FNIP1: variants seen among roughly 807,000 people sequenced by gnomAD.
FNIP1 encodes folliculin interacting protein 1.
Under a neutral mutation model 124.5 loss-of-function variants are expected in FNIP1, and 40 were observed. The ratio of observed to expected loss-of-function variants is 0.32; its 90% CI spans 0.25 to 0.42. The LOEUF is 0.42. FNIP1 is among the 10% of genes least tolerant of loss of function. FNIP1 has a pLI of 1.00. For synonymous variants in FNIP1, 472 were observed against 470.6 expected (o/e 1.00, Z -0.04); for missense variants, 1,176 against 1,403.7 (o/e 0.84, Z 2.59).
Position 131,677,749 on chromosome 5 carries a change from G to A in FNIP1, c.1473C>T (p.Asp491=). The A allele has an allele frequency of 1.9e-6, 3 of 1,614,100 alleles. No homozygotes were observed. Among genetic ancestry groups the A allele is most frequent in the South Asian group, 1.1e-5 (1 of 91,080 alleles). The change falls in exon 13 of 18, where the codon GAC becomes GAT. Residue 491 remains aspartate (D), a synonymous_variant. Coordinates refer to ENST00000510461, the MANE Select transcript of FNIP1 (RefSeq NM_133372.3). Reference sequence around the variant, plus strand: ...TATATGGATGAGTCTTTGCCAACATGTCCACACTCTGAGAGGAATGCTTTT... The same window carrying A: ...TATATGGATGAGTCTTTGCCAACATATCCACACTCTGAGAGGAATGCTTTT... ...FLEKHSSQSV[D]MLAKTHPYNP... is the part of the protein sequence containing the mutation.
chr5:131,750,197 T>C (rs1561689065), intron 1 of FNIP1, among the ~76,000 whole-genome samples: 1 of 152,188 alleles, frequency 6.6e-6, no homozygotes, highest in East Asian at 1.9e-4. Context: ...AAATGGAGTA[T>C]AAGACTGACA....
chr5:131,652,336 A>G (rs26005), intron 15 of FNIP1, among the ~76,000 whole-genome samples: 113,243 of 152,078 alleles, frequency 0.74, 42,431 homozygotes, highest in Middle Eastern at 0.81. Flanking sequence ...ATGTTTTTTT[A>G]CCCTGAAAGA....
In FNIP1 at chr5:131,670,703, G is replaced by T. The variant is rs7730296; in HGVS notation, c.2940-72C>A. 8.4e-6 allele frequency: 8 copies of T among 950,696 alleles called. No homozygotes were observed. The East Asian group carries it at 2.3e-4, about 27-fold the overall frequency. The allele number at this position is 950,696 out of a possible 1,614,324, so 58.9% of individuals were successfully genotyped here. ...ATTTAACCAGTAAAAAAAAAAAAAA[G>T]TGAATTCTACTTGTCCATATTTTAC... On this transcript the variant is annotated intron_variant, in intron 14 of 17. Transcript: ENST00000510461.
chr5:131,731,088 T>C (rs746558423), intron 2 of FNIP1, 50 bp from the exon 3 acceptor site: 3 of 1,535,712 alleles, frequency 2.0e-6, no homozygotes, highest in East Asian at 2.3e-5. Flanking sequence ...TTTAACCATA[T>C]ACAAATTTCA....
intron 11 of FNIP1, among the ~76,000 whole-genome samples, chr5:131,681,502 A>G (rs1295117748): frequency 4.6e-5 from 7 of 152,180 alleles, no homozygotes; most frequent in Non-Finnish European, 8.8e-5. Context: ...ACTCACCCAT[A>G]TAAAATGACT....
chr5:131,756,408 T>TA (rs1010882540), intron 1 of FNIP1, among the ~76,000 whole-genome samples: 1 of 152,024 alleles, frequency 6.6e-6, no homozygotes, highest in African/African-American at 2.4e-5. Context: ...GCCCTTTTTT[T>TA]AAAAAAAGGA....
chr5:131,672,504 C>A lies in FNIP1; in HGVS notation c.1940G>T (p.Cys647Phe). Residue 647 changes from cysteine to phenylalanine, a missense_variant, in exon 14 of 18, where the codon TGC (cysteine) becomes TTC (phenylalanine). Cys to Phe is a radical substitution (Grantham distance 205). Transcript: ENST00000510461. ...GCAGTCAGAAGGAGAAATCATCTGG[C>A]ACTCATCTGAAATTCCTAGCAGCTC... is the stretch of plus-strand genomic sequence containing the variant. ...SKELLGISDE[C>F]QMISPSDCQE... 1 of 1,613,614 alleles carries A rather than the reference C, an allele frequency of 6.2e-7. No individual in the cohort carries two copies. Among genetic ancestry groups the A allele is most frequent in the East Asian group, 2.2e-5 (1 of 44,890 alleles).
chr5:131,738,833 C>T (rs1184269207), intron 2 of FNIP1, among the ~76,000 whole-genome samples: 5 of 146,028 alleles, frequency 3.4e-5, no homozygotes, highest in Non-Finnish European at 7.5e-5. Flanking sequence ...TTTTGGCCAG[C>T]GGGGAGAGGG....
At chr5:131,757,912 TA>T (rs1771100895) in intron 1 of FNIP1, among the ~76,000 whole-genome samples, 1 of 152,102 alleles carries the variant, frequency 6.6e-6, no homozygotes. Flanking sequence ...CCTAGAGTCA[TA>T]AACAAAAAAT....
At chr5:131,791,396 G>A (rs1772401416) in intron 1 of FNIP1, among the ~76,000 whole-genome samples, 1 of 152,098 alleles carries the variant, frequency 6.6e-6, no homozygotes. Context: ...GGGGCAACCA[G>A]GTAGGTAACT....
chr5:131,665,760 T>G (rs1767583036), intron 15 of FNIP1, among the ~76,000 whole-genome samples: 2 of 151,620 alleles, frequency 1.3e-5, no homozygotes, highest in African/African-American at 4.8e-5. Context: ...CAGCTAATTT[T>G]TTGTATTTTT....
intron 1 of FNIP1, among the ~76,000 whole-genome samples, chr5:131,759,151 G>A (rs1003198385): frequency 4.6e-5 from 7 of 152,196 alleles, no homozygotes; most frequent in African/African-American, 1.4e-4. Flanking sequence ...AAAAATCCTA[G>A]AAGAAAACCT....
chr5:131,718,444 T>G (rs1415475860), intron 5 of FNIP1, among the ~76,000 whole-genome samples: 1 of 152,180 alleles, frequency 6.6e-6, no homozygotes, highest in Non-Finnish European at 1.5e-5. Flanking sequence ...TTCCACTGCC[T>G]AACTTTAGCC....
chr5:131,772,816 C>T (rs547150476), intron 1 of FNIP1, among the ~76,000 whole-genome samples: 1 of 152,288 alleles, frequency 6.6e-6, no homozygotes, highest in East Asian at 1.9e-4. Flanking sequence ...TGCAACAGTG[C>T]TTCACTGGCC....
In FNIP1 at chr5:131,778,245, GAAAC is replaced by G. The variant is rs370698578; in HGVS notation, c.92+18581_92+18584del. Among the ~76,000 whole-genome samples the G allele has an allele frequency of 1.1e-3, 173 of 152,108 alleles. 1 individual carries two copies. Among genetic ancestry groups the G allele is most frequent in the African/African-American group, 2.3e-3 (95 of 41,498 alleles). The stretch of plus-strand genomic sequence containing the variant: ...ACCACCACCTATGACATTGTCTTGG[GAAAC>G]AAACAAACAAAACCTGACTCTGAAT... On this transcript the variant is annotated intron_variant, in intron 1 of 17. Coordinates refer to ENST00000510461, the MANE Select transcript of FNIP1 (RefSeq NM_133372.3).
At chr5:131,655,365 AT>A (rs980931898) in intron 15 of FNIP1, among the ~76,000 whole-genome samples, 5 of 152,314 alleles carry the variant, frequency 3.3e-5, no homozygotes, top group South Asian at 2.1e-4. Flanking sequence ...AAACAAAAAA[AT>A]GTAGGTAGTA....
At chr5:131,725,634 A>G (rs1432963720) in intron 3 of FNIP1, among the ~76,000 whole-genome samples, 1 of 152,222 alleles carries the variant, frequency 6.6e-6, no homozygotes, top group African/African-American at 2.4e-5. Context: ...CAATCATGTC[A>G]TCTGCAAACA....
intron 2 of FNIP1, among the ~76,000 whole-genome samples, chr5:131,739,004 C>T (rs565695755): frequency 3.3e-5 from 5 of 152,036 alleles, no homozygotes; most frequent in East Asian, 1.9e-4. Flanking sequence ...TCTGTAGAGA[C>T]GGGGTCTTCC....
intron 1 of FNIP1, among the ~76,000 whole-genome samples, chr5:131,771,438 T>G (rs1316482358): frequency 6.6e-6 from 1 of 152,182 alleles, no homozygotes; most frequent in East Asian, 1.9e-4. Context: ...AAAAGCTTGA[T>G]GCCCACTAGC....
Sources: gnomAD v4.1 joint callset for allele counts (sites outside exome capture counted in the v4.1 genomes callset) on GRCh38, gnomAD v4.1.1 for gene constraint, MANE v1.5 for transcripts, NCBI Gene and HGNC (gene_info 2026-07-23, HGNC 2026-07-21) for gene names.